The following CEP112 variants were observed in gnomAD, a reference collection of about 807,000 sequenced individuals.
CEP112 encodes the protein centrosomal protein of 112 kDa.
A neutral mutation model predicts 153.0 loss-of-function variants in CEP112; 127 were observed. That is an observed-to-expected ratio of 0.83 (90% confidence interval 0.72 to 0.96). The LOEUF (loss-of-function observed/expected upper bound fraction) is 0.96. CEP112 is among the 40% of genes least tolerant of loss of function. The pLI, the probability that CEP112 is intolerant of heterozygous loss-of-function variation, is 0.00. For synonymous variants in CEP112, 358 were observed against 374.4 expected, an observed-to-expected ratio of 0.96 and a Z score of 0.51; for missense variants, 1,089 against 1,101.2, an observed-to-expected ratio of 0.99 and a Z score of 0.16.
At chr17:65,691,709 C>T (rs1484343961) in intron 23 of CEP112, among the ~76,000 whole-genome samples, 45 of 152,174 alleles carry the variant, frequency 3.0e-4, no homozygotes. Context: ...TTTCCCCCAC[C>T]CCCTACTTTC....
chr17:66,053,996 C>A, intron 11 of CEP112, 117 bp from the exon 12 acceptor site: 2 of 616,242 alleles, frequency 3.2e-6, no homozygotes, highest in Non-Finnish European at 2.5e-6. Context: ...ACCTGAACAC[C>A]AAAAGATACA....
chr17:65,832,881 C>T lies in CEP112; in HGVS notation c.2394+18923G>A, dbSNP rs527953343. ...GGCCAGCACCATCCTGACACCAAAA[C>T]CTGGAACAGACAAAACAACAAAAAA... On this transcript the variant is annotated intron_variant, in intron 21 of 26. Coordinates refer to ENST00000535342, the MANE Select transcript of CEP112 (RefSeq NM_001199165.4). Among the ~76,000 whole-genome samples, 5 of 152,214 alleles carry T rather than the reference C, an allele frequency of 3.3e-5. No individual in the cohort carries two copies. The East Asian group carries it at 9.7e-4, about 29-fold the overall frequency.
At chr17:65,735,558 CCTGA>C (rs547424097) in intron 23 of CEP112, among the ~76,000 whole-genome samples, 62,137 of 152,036 alleles carry the variant, frequency 0.41, 14,445 homozygotes, top group South Asian at 0.61. Flanking sequence ...TACTTAATAT[CCTGA>C]TTAACCTATC....
At chr17:66,022,720 A>AAT (rs2065050067) in intron 16 of CEP112, among the ~76,000 whole-genome samples, 1 of 151,480 alleles carries the variant, frequency 6.6e-6, no homozygotes, top group Non-Finnish European at 1.5e-5. Flanking sequence ...AGAAAAAAAA[A>AAT]AAAAAAAAGA....
intron 1 of CEP112, among the ~76,000 whole-genome samples, chr17:66,184,234 C>T (rs886146966): frequency 9.2e-5 from 14 of 151,984 alleles, no homozygotes; most frequent in Middle Eastern, 3.4e-3. Context: ...ACTCTAGCCT[C>T]GGTGACAGAG....
chr17:65,925,033 G>GAT (rs1407526242), intron 19 of CEP112, among the ~76,000 whole-genome samples: 2 of 152,158 alleles, frequency 1.3e-5, no homozygotes, highest in African/African-American at 2.4e-5. Context: ...CAAGGCTGGT[G>GAT]ATATGGTTTG....
chr17:66,019,839 C>G (rs1279978759), intron 16 of CEP112, among the ~76,000 whole-genome samples: 1 of 152,170 alleles, frequency 6.6e-6, no homozygotes, highest in African/African-American at 2.4e-5. Context: ...ATGAACTGAG[C>G]TCCAATATTC....
At chr17:65,712,731 G>C (rs561461810) in intron 23 of CEP112, among the ~76,000 whole-genome samples, 5 of 152,108 alleles carry the variant, frequency 3.3e-5, no homozygotes, top group Admixed American at 6.5e-5. Flanking sequence ...AAAGTAAGTT[G>C]GGTTAGAACT....
intron 6 of CEP112, among the ~76,000 whole-genome samples, chr17:66,117,772 T>C (rs750539293): frequency 1.3e-5 from 2 of 152,142 alleles, no homozygotes; most frequent in Non-Finnish European, 2.9e-5. Context: ...GTATCTGACA[T>C]GAGATTAATG....
chr17:66,098,908 G>A (rs1401645735), intron 6 of CEP112, among the ~76,000 whole-genome samples: 1 of 152,162 alleles, frequency 6.6e-6, no homozygotes, highest in Admixed American at 6.5e-5. Flanking sequence ...GGGGAAAAAA[G>A]GAAGTACCTC....
At chr17:65,812,849 G>A (rs1488766863) in intron 21 of CEP112, among the ~76,000 whole-genome samples, 2 of 151,984 alleles carry the variant, frequency 1.3e-5, no homozygotes, top group Admixed American at 6.6e-5. Flanking sequence ...GAAGTAACAC[G>A]TTTAAAATAT....
chr17:66,164,504 G>C (rs144994311), intron 4 of CEP112, among the ~76,000 whole-genome samples: 5,044 of 149,800 alleles, frequency 0.034, 126 homozygotes, highest in South Asian at 0.059. Flanking sequence ...TTGCAGTGAG[G>C]GGAGATCGCG....
At chr17:66,145,912 GATTAC>G (rs749381732) in intron 4 of CEP112, among the ~76,000 whole-genome samples, 66 of 151,850 alleles carry the variant, frequency 4.3e-4, no homozygotes, top group Non-Finnish European at 7.2e-4. Context: ...CTAGTGAGAT[GATTAC>G]ATTATATTTC....
chr17:65,699,339 A>G (rs946851149), intron 23 of CEP112, among the ~76,000 whole-genome samples: 1 of 152,216 alleles, frequency 6.6e-6, no homozygotes, highest in Non-Finnish European at 1.5e-5. Context: ...GGGTACTCCC[A>G]TTAAAATTCT....
At chr17:66,133,536 T>A (rs529778840) in intron 4 of CEP112, among the ~76,000 whole-genome samples, 1 of 152,160 alleles carries the variant, frequency 6.6e-6, no homozygotes, top group African/African-American at 2.4e-5. Flanking sequence ...ATGGACTTCA[T>A]CAAAAAGACT....
At chr17:65,749,363 C>T (rs1314705940) in intron 22 of CEP112, among the ~76,000 whole-genome samples, 1 of 151,992 alleles carries the variant, frequency 6.6e-6, no homozygotes, top group Non-Finnish European at 1.5e-5. Flanking sequence ...AAAAAATTAG[C>T]TGGGCGTGGT....
chr17:65,972,149 A>C (rs1236075253), intron 17 of CEP112, among the ~76,000 whole-genome samples: 2 of 152,236 alleles, frequency 1.3e-5, no homozygotes, highest in Non-Finnish European at 2.9e-5. Flanking sequence ...ACTATTCTGG[A>C]ACATAAAACA....
At chr17:66,143,122 T>C (rs1413415563) in intron 4 of CEP112, among the ~76,000 whole-genome samples, 1 of 152,170 alleles carries the variant, frequency 6.6e-6, no homozygotes, top group African/African-American at 2.4e-5. Flanking sequence ...ATTTTAGCTG[T>C]GTATGAAACA....
At chr17:65,982,457 T>C (rs1348091466) in intron 17 of CEP112, among the ~76,000 whole-genome samples, 2 of 152,244 alleles carry the variant, frequency 1.3e-5, no homozygotes, top group Admixed American at 1.3e-4. Context: ...AATTCTATGA[T>C]TATCAGACAA....
Sources: allele counts gnomAD v4.1 joint callset (sites outside exome capture counted in the v4.1 genomes callset), GRCh38; gene constraint gnomAD v4.1.1; transcripts MANE v1.5; gene names NCBI Gene and HGNC (gene_info 2026-07-23, HGNC 2026-07-21).